Variants in EPB41 observed in about 807,000 individuals in gnomAD.
EPB41 encodes protein 4.1.
EPB41 carries 65 observed loss-of-function variants against 108.0 expected under a neutral mutation model. The observed-to-expected ratio is 0.60, with a 90% CI of 0.49 to 0.74. The LOEUF (loss-of-function observed/expected upper bound fraction) is 0.74. Ranked by LOEUF, EPB41 falls within the 30% of genes least tolerant of loss-of-function variation. EPB41 has a pLI of 0.00. For synonymous variants in EPB41, 336 were observed against 358.9 expected, an observed-to-expected ratio of 0.94 and a Z score of 0.72; for missense variants, 875 against 1,037.0, an observed-to-expected ratio of 0.84 and a Z score of 2.15.
At chr1:28,976,584 G>T (rs1320856151) in intron 1 of EPB41, among the ~76,000 whole-genome samples, 1 of 152,022 alleles carries the variant, frequency 6.6e-6, no homozygotes, top group Non-Finnish European at 1.5e-5. Flanking sequence ...AAACTCCTGG[G>T]CTCAAGCTAT....
intron 1 of EPB41, among the ~76,000 whole-genome samples, chr1:28,946,201 C>A (rs1372752756): frequency 6.9e-6 from 1 of 145,490 alleles, no homozygotes; most frequent in Non-Finnish European, 1.5e-5. Context: ...ACTTCAACTT[C>A]TTTTTTTTTT....
chr1:29,038,232 G>T (rs1352059378), intron 10 of EPB41, among the ~76,000 whole-genome samples: 5 of 152,044 alleles, frequency 3.3e-5, no homozygotes, highest in Non-Finnish European at 7.4e-5. Flanking sequence ...TTAATTATTG[G>T]CATTAACACA....
intron 14 of EPB41, among the ~76,000 whole-genome samples, chr1:29,059,360 A>G (rs1236760820): frequency 1.3e-5 from 2 of 152,168 alleles, no homozygotes; most frequent in Non-Finnish European, 2.9e-5. Context: ...TTTTAAGCAA[A>G]ATGAAATAAT....
intron 16 of EPB41, among the ~76,000 whole-genome samples, chr1:29,091,074 T>C (rs1054764490): frequency 2.0e-5 from 3 of 152,204 alleles, no homozygotes; most frequent in African/African-American, 7.2e-5. Context: ...CTTCTACACA[T>C]GCTTTGGAAA....
At position 29,018,484 on chromosome 1, in the gene EPB41, A is replaced by C. The variant is rs773724136; in HGVS notation, c.1124+42A>C. Reference sequence around the variant, plus strand: ...GGTTTGTTCGGTGTTTGTTTTGGCGATTAGTTTAAACACAACATGGTATTG... The same window carrying C: ...GGTTTGTTCGGTGTTTGTTTTGGCGCTTAGTTTAAACACAACATGGTATTG... On this transcript the variant is annotated intron_variant, in intron 7 of 20. Transcript: ENST00000343067. This position sits in a 1 kb window ranked among gnomAD's most constrained non-coding sequence, Gnocchi z 4.4. 2.7e-6 allele frequency: 4 copies of C among 1,472,282 alleles called. No homozygotes were observed. The African/African-American group carries it at 1.1e-4, about 41-fold the overall frequency. The allele number at this position is 1,472,282 out of a possible 1,614,324, so 91.2% of individuals were successfully genotyped here. A position where few individuals can be genotyped will look rare whatever the true frequency, so the allele number is the denominator to read the frequency against.
upstream of EPB41, among the ~76,000 whole-genome samples, chr1:28,910,108 G>A (rs1245024809): frequency 6.6e-6 from 1 of 151,418 alleles, no homozygotes; most frequent in African/African-American, 2.4e-5. Flanking sequence ...AAAAGTGTAC[G>A]TATAAGAAAA....
chr1:28,982,743 G>C, intron 1 of EPB41: 1 of 489,486 alleles, frequency 2.0e-6, no homozygotes, highest in Non-Finnish European at 3.8e-6. Flanking sequence ...AATACACCTT[G>C]TCTGCTCATA....
rs766647770 is a variant in EPB41, at chr1:29,053,136, C to T, written c.1669C>T (p.Arg557Trp). ...TGTCGATTCGGCAGACCGAAGTCCT[C>T]GGCCCACTTCTGCACCTGCCATTAC... ...AAVDSADRSP[R>W]PTSAPAITQG... Residue 557 changes from arginine (R) to tryptophan (W), a missense_variant, in exon 12 of 21, where the codon CGG becomes TGG. Around this residue, in one of 3 missense-constraint regions of EPB41, gnomAD observed 519 missense variants for 627.3 expected, o/e 0.83. Coordinates refer to ENST00000343067, the MANE Select transcript of EPB41 (RefSeq NM_001376013.1). The T allele has an allele frequency of 3.7e-6, 6 of 1,614,184 alleles. No homozygotes were observed. The highest frequency in any genetic ancestry group is 3.3e-5 in the Admixed American group (2 of 60,022).
At chr1:28,994,164 A>AT (rs1054321434) in intron 3 of EPB41, among the ~76,000 whole-genome samples, 161 of 148,378 alleles carry the variant, frequency 1.1e-3, no homozygotes, top group East Asian at 2.6e-3. Context: ...CAAGTTGACA[A>AT]TTTTTTTTTT....
Position 29,011,871 on chromosome 1 carries a change from C to T in EPB41, c.793C>T (p.Leu265=), listed in dbSNP as rs1197029190. The T allele has an allele frequency of 1.2e-6, 2 of 1,614,084 alleles. No individual in the cohort carries two copies. The highest frequency in any genetic ancestry group is 2.2e-5 in the South Asian group (2 of 91,082). ...CCTTTTCTCCTTTTTACAGACATGGCTGGATTCCGCCAAAGAAATAAAAAA... is the reference window on the plus strand; with the variant it reads ...CCTTTTCTCCTTTTTACAGACATGGTTGGATTCCGCCAAAGAAATAAAAAA... ...IWDNATSKTW[L]DSAKEIKKQV... is the part of the protein sequence containing the mutation. Residue 265 remains leucine (L), a synonymous_variant, in exon 5 of 21, where the codon CTG becomes TTG. Coordinates refer to ENST00000343067, the MANE Select transcript of EPB41 (RefSeq NM_001376013.1).
rs1289645597 is a variant in EPB41 at position 29,018,455 on chromosome 1, C to T, written c.1124+13C>T. The T allele has an allele frequency of 6.2e-7, 1 of 1,610,686 alleles. No individual in the cohort carries two copies. The highest frequency in any genetic ancestry group is 8.5e-7 in the Non-Finnish European group (1 of 1,178,732). ...ATAAGTCATACAGGTGAATATGTCT[C>T]CAGGGTTTGTTCGGTGTTTGTTTTG... On this transcript the variant is annotated intron_variant, in intron 7 of 20. Transcript: ENST00000343067. This position sits in a 1 kb window ranked among gnomAD's most constrained non-coding sequence, Gnocchi z 4.4.
At chr1:28,929,780 C>T (rs1456071307) in intron 1 of EPB41, among the ~76,000 whole-genome samples, 7 of 150,906 alleles carry the variant, frequency 4.6e-5, no homozygotes, top group Non-Finnish European at 7.4e-5. Context: ...ATGATCTGCC[C>T]GCCTTGGCCT....
chr1:28,971,180 C>CTTTTT (rs1000130058), intron 1 of EPB41, among the ~76,000 whole-genome samples: 829 of 66,186 alleles, frequency 0.013, 4 homozygotes, highest in East Asian at 0.02. Flanking sequence ...TTCTTTCTTT[C>CTTTTT]TTTTTTTTTT....
At chr1:28,900,847 A>G (rs186699025) in intron 1 of EPB41, among the ~76,000 whole-genome samples, 3 of 152,256 alleles carry the variant, frequency 2.0e-5, no homozygotes, top group African/African-American at 7.2e-5. Flanking sequence ...CTCTACCCCC[A>G]AACACTTTTG....
chr1:29,065,096 T>C lies in EPB41; in HGVS notation c.2122T>C (p.Leu708=). ...ACGGCCTAGTGAATGGGATAAACGCTTATCCACTCACTCACCCTTCCGAAC... is the reference window on the plus strand; with the variant it reads ...ACGGCCTAGTGAATGGGATAAACGCCTATCCACTCACTCACCCTTCCGAAC... The part of the protein sequence containing the change: ...EPRPSEWDKR[L]STHSPFRTLN... Residue 708 remains leucine, a synonymous_variant, in exon 16 of 21, where the codon TTA becomes CTA. Coordinates refer to ENST00000343067, the MANE Select transcript of EPB41 (RefSeq NM_001376013.1). 6.2e-7 allele frequency: 1 copy of C among 1,613,964 alleles called. No individual in the cohort carries two copies. Among genetic ancestry groups the C allele is most frequent in the Non-Finnish European group, 8.5e-7 (1 of 1,179,878 alleles).
At chr1:29,105,885 T>C (rs1666993948) in intron 17 of EPB41, among the ~76,000 whole-genome samples, 1 of 151,646 alleles carries the variant, frequency 6.6e-6, no homozygotes, top group Non-Finnish European at 1.5e-5. Context: ...GTAACTGGAC[T>C]ACAGGCATGT....
intron 1 of EPB41, among the ~76,000 whole-genome samples, chr1:28,948,161 A>G (rs896587418): frequency 1.3e-5 from 2 of 152,096 alleles, no homozygotes; most frequent in Non-Finnish European, 2.9e-5. Context: ...AACAGTTCTT[A>G]GAAAGCTGCT....
chr1:29,017,926 A>C (rs571497667), intron 6 of EPB41, among the ~76,000 whole-genome samples: 18 of 152,288 alleles, frequency 1.2e-4, no homozygotes, highest in Middle Eastern at 3.4e-3. Flanking sequence ...TACTTCCTTT[A>C]GACTTTTCCA....
chr1:28,964,745 C>T lies in EPB41; in HGVS notation c.-7-22686C>T, dbSNP rs577085307. On this transcript the variant is annotated intron_variant, in intron 1 of 20. Coordinates refer to ENST00000343067, the MANE Select transcript of EPB41 (RefSeq NM_001376013.1). ...AATCTACCCTTGCCTGGTCTCAACC[C>T]AGTCTCAACCTCCATTGTTTTCTGT... Among the ~76,000 whole-genome samples the T allele has an allele frequency of 4.6e-5, 7 of 152,296 alleles. 1 individual carries two copies. In the East Asian group the frequency reaches 1.2e-3, roughly 25 times the overall value.
Sources: allele counts gnomAD v4.1 joint callset (sites outside exome capture counted in the v4.1 genomes callset), GRCh38; gene constraint gnomAD v4.1.1; regional missense constraint gnomAD v4.1.1; non-coding constraint Gnocchi (gnomAD v3.1); transcripts MANE v1.5; gene names NCBI Gene and HGNC (gene_info 2026-07-23, HGNC 2026-07-21).